Variants in PAQR5 observed in about 807,000 individuals in gnomAD.
The protein encoded by PAQR5 is progestin and adipoQ receptor family member 5.
A neutral mutation model predicts 34.5 loss-of-function variants in PAQR5; 20 were observed. The ratio of observed to expected loss-of-function variants is 0.58; its 90% confidence interval spans 0.41 to 0.84. The LOEUF (loss-of-function observed/expected upper bound fraction) is 0.84. Among genes scored for constraint, PAQR5 ranks in the 40% least tolerant of loss-of-function variants. The probability of loss-of-function intolerance (pLI) is 0.00; values close to 1 mark genes in which losing one functional copy is unlikely to be tolerated. For synonymous variants in PAQR5, 131 were observed against 155.6 expected, an observed-to-expected ratio of 0.84 and a Z score of 1.18; for missense variants, 378 against 412.7, an observed-to-expected ratio of 0.92 and a Z score of 0.73.
At chr15:69,386,151 A>C (rs2056101640) in intron 5 of PAQR5, among the ~76,000 whole-genome samples, 1 of 151,506 alleles carries the variant, frequency 6.6e-6, no homozygotes, top group Non-Finnish European at 1.5e-5. Context: ...CACTCACACC[A>C]CATACACACT....
In PAQR5 at chr15:69,404,195, T is replaced by G. The variant is rs1365777983; in HGVS notation, c.*373T>G. 5.1e-6 allele frequency: 1 copy of G among 195,064 alleles called. No individual in the cohort carries two copies. Among genetic ancestry groups the G allele is most frequent in the Non-Finnish European group, 1.0e-5 (1 of 95,402 alleles). The allele number at this position is 195,064 out of a possible 1,614,324, so 12.1% of individuals were successfully genotyped here. A position where few individuals can be genotyped will look rare whatever the true frequency, so the allele number is the denominator to read the frequency against. On this transcript the variant is annotated 3_prime_UTR_variant, in exon 9 of 9. Transcript: ENST00000395407. The stretch of plus-strand genomic sequence containing the variant: ...TGAATCTTGCTTCATTTGATGAATT[T>G]CATGTCACAAAGCTTCTCTCAAGAG...
chr15:69,305,822 C>T (rs567452672), intron 1 of PAQR5, among the ~76,000 whole-genome samples: 51 of 152,288 alleles, frequency 3.3e-4, no homozygotes, highest in African/African-American at 1.1e-3. Context: ...TTATTAACTT[C>T]GTCCACGGAA....
At chr15:69,374,237 T>A (rs1042349912) in intron 3 of PAQR5, among the ~76,000 whole-genome samples, 3 of 152,240 alleles carry the variant, frequency 2.0e-5, no homozygotes, top group African/African-American at 7.2e-5. Context: ...GTGTGTGGTG[T>A]GCAATTGTTG....
intron 2 of PAQR5, among the ~76,000 whole-genome samples, chr15:69,343,043 G>A (rs879486868): frequency 6.6e-6 from 1 of 152,180 alleles, no homozygotes; most frequent in Non-Finnish European, 1.5e-5. Flanking sequence ...TCAAATGTAT[G>A]ACCACTTGTC....
chr15:69,318,985 T>G (rs1017288830), intron 1 of PAQR5, among the ~76,000 whole-genome samples: 1 of 151,082 alleles, frequency 6.6e-6, no homozygotes, highest in African/African-American at 2.4e-5. Context: ...AATACAAAAG[T>G]TAGCTAGGCG....
In PAQR5 at chr15:69,322,691, GGAAGAAGAA is replaced by G. The variant is rs780711031; in HGVS notation, c.-276-14578_-276-14570del. ...AAAAAAAAGAAGAAGAAGGAGAAGAGGAAGAAGAAGAAGAAGAAGAAGAAGAAGAAGAAG... is the reference window on the plus strand; with the variant it reads ...AAAAAAAAGAAGAAGAAGGAGAAGAGGAAGAAGAAGAAGAAGAAGAAGAAG... On this transcript the variant is annotated intron_variant, in intron 1 of 8. Coordinates refer to ENST00000395407, the MANE Select transcript of PAQR5 (RefSeq NM_017705.4). Among the ~76,000 whole-genome samples the G allele has an allele frequency of 4.0e-3, 101 of 25,444 alleles. 7 individuals are homozygous for G. Among genetic ancestry groups the G allele is most frequent in the African/African-American group, 0.012 (81 of 6,634 alleles). The allele number at this position is 25,444 out of a possible 152,430, so 16.7% of individuals were successfully genotyped here.
intron 4 of PAQR5, chr15:69,382,968 T>G (rs1358075126): frequency 6.6e-6 from 1 of 151,434 alleles, no homozygotes; most frequent in Non-Finnish European, 1.5e-5. Context: ...GGAGCTGCTT[T>G]GGGAGGTAAT....
At chr15:69,335,458 T>C (rs972331232) in intron 1 of PAQR5, among the ~76,000 whole-genome samples, 6 of 150,888 alleles carry the variant, frequency 4.0e-5, no homozygotes, top group Non-Finnish European at 8.9e-5. Flanking sequence ...TTGGTCAGGC[T>C]GGTCTCGAAC....
chr15:69,399,578 A>G (rs1032724223), intron 7 of PAQR5, among the ~76,000 whole-genome samples: 1 of 152,214 alleles, frequency 6.6e-6, no homozygotes, highest in Non-Finnish European at 1.5e-5. Flanking sequence ...AGTCAACTGT[A>G]CTTACATTTT....
At position 69,406,073 on chromosome 15, in the gene PAQR5, G is replaced by T. The variant is rs1022175772; in HGVS notation, c.*2251G>T. ...CCAAGCCATCTCAGAAAGTCTAAAA[G>T]GTTGGCAGGGGGTCAGCTGAAGACC... is the stretch of plus-strand genomic sequence containing the variant. On this transcript the variant is annotated 3_prime_UTR_variant, in exon 9 of 9. Transcript: ENST00000395407. 4.6e-5 allele frequency: 7 copies of T among 152,188 alleles called. No individual in the cohort carries two copies. Among genetic ancestry groups the T allele is most frequent in the Admixed American group, 4.6e-4 (7 of 15,284 alleles). The allele number at this position is 152,188 out of a possible 1,614,324, so 9.4% of individuals were successfully genotyped here.
chr15:69,359,470 C>T (rs1325544412), intron 2 of PAQR5, among the ~76,000 whole-genome samples: 3 of 151,588 alleles, frequency 2.0e-5, no homozygotes, highest in Admixed American at 6.6e-5. Flanking sequence ...TAAGGGGGTG[C>T]GTGTGAGAGG....
intron 8 of PAQR5, 118 bp downstream of exon 8, chr15:69,400,233 G>T: frequency 9.9e-7 from 1 of 1,005,892 alleles, no homozygotes. Context: ...GAGAGGCCAA[G>T]GCGAGTAACA....
Position 69,322,732 on chromosome 15 carries a change from A to AGGG in PAQR5, c.-276-14609_-276-14608insGGG, listed in dbSNP as rs1274923148. ...GAAGAAGAAGAAGAAGAAGAAGAAG[A>AGGG]AGAAGAAGAAGAAGAAGAAGAAGAA... is the stretch of plus-strand genomic sequence containing the variant. On this transcript the variant is annotated intron_variant, in intron 1 of 8. Coordinates refer to ENST00000395407, the MANE Select transcript of PAQR5 (RefSeq NM_017705.4). 7.5e-3 allele frequency among the ~76,000 whole-genome samples: 200 copies of AGGG among 26,502 alleles called. 29 individuals are homozygous for AGGG. Among genetic ancestry groups the AGGG allele is most frequent in the South Asian group, 0.026 (14 of 538 alleles). The allele number at this position is 26,502 out of a possible 152,430, so 17.4% of individuals were successfully genotyped here.
chr15:69,401,649 G>A (rs1321570402), intron 8 of PAQR5, among the ~76,000 whole-genome samples: 3 of 152,174 alleles, frequency 2.0e-5, no homozygotes, highest in Non-Finnish European at 2.9e-5. Flanking sequence ...TGGGCCTAGG[G>A]GTACAGAGCT....
At chr15:69,390,228 C>T (rs2056219381) in intron 6 of PAQR5, among the ~76,000 whole-genome samples, 1 of 152,152 alleles carries the variant, frequency 6.6e-6, no homozygotes, top group African/African-American at 2.4e-5. Context: ...GTTGGTCAGG[C>T]TGGTCTGGAA....
intron 1 of PAQR5, among the ~76,000 whole-genome samples, chr15:69,333,527 C>T (rs939086489): frequency 6.6e-6 from 1 of 152,164 alleles, no homozygotes; most frequent in Non-Finnish European, 1.5e-5. Flanking sequence ...GTCCCCACCC[C>T]GCACTGGGAG....
chr15:69,363,487 G>A (rs1224984256), intron 3 of PAQR5, among the ~76,000 whole-genome samples: 26 of 151,238 alleles, frequency 1.7e-4, no homozygotes, highest in Admixed American at 1.3e-3. Context: ...GCAACATGGC[G>A]TGACACTTTG....
rs113206428 is a variant in PAQR5 at position 69,393,964 on chromosome 15, G to C, written c.513-3504G>C. 2.1e-4 allele frequency among the ~76,000 whole-genome samples: 32 copies of C among 152,180 alleles called. 1 individual carries two copies. Among genetic ancestry groups the C allele is most frequent in the Non-Finnish European group, 5.9e-5 (4 of 68,020 alleles). On this transcript the variant is annotated intron_variant, in intron 6 of 8. Transcript: ENST00000395407. ...CTCTTCGTGGTTCTTGGAGCAAGGT[G>C]GGGGTGGCCGAGGCCCTGGCCTGCT...
intron 3 of PAQR5, among the ~76,000 whole-genome samples, chr15:69,360,613 T>A (rs2055206870): frequency 6.6e-6 from 1 of 152,102 alleles, no homozygotes; most frequent in Admixed American, 6.6e-5. Context: ...AGTGGACCCA[T>A]GGGCCTGGGA....
Sources: gnomAD v4.1 joint callset for allele counts (sites outside exome capture counted in the v4.1 genomes callset) on GRCh38, gnomAD v4.1.1 for gene constraint, MANE v1.5 for transcripts, NCBI Gene and HGNC (gene_info 2026-07-23, HGNC 2026-07-21) for gene names.